The following ITFG2 variants were observed in gnomAD, a reference collection of about 807,000 sequenced individuals.
The protein encoded by ITFG2 is KICSTOR complex protein ITFG2.
A neutral mutation model predicts 54.4 loss-of-function variants in ITFG2; 36 were observed. The ratio of observed to expected loss-of-function variants is 0.66; its 90% CI spans 0.51 to 0.87. The LOEUF (loss-of-function observed/expected upper bound fraction) is 0.87. ITFG2 is among the 40% of genes least tolerant of loss of function. ITFG2 has a pLI of 0.00. For missense variants in ITFG2, 524 were observed against 576.7 expected (o/e 0.91, Z 0.94); for synonymous variants, 211 against 225.4 (o/e 0.94, Z 0.57).
At chr12:2,827,127 G>A, downstream of ITFG2, 2 of 1,599,168 alleles carry the variant, frequency 1.3e-6, no homozygotes, top group Non-Finnish European at 1.7e-6. The surrounding 1 kb of genome is among the most constrained non-coding windows in gnomAD (Gnocchi z 4.0). Context: ...CCAGCTACCT[G>A]GCTTCAAGAG....
At chr12:2,813,023 G>A (rs2097912903) in intron 1 of ITFG2, 167 bp downstream of exon 1, 3 of 547,146 alleles carry the variant, frequency 5.5e-6, no homozygotes, top group Non-Finnish European at 9.8e-6. Flanking sequence ...GTTCGTGGTT[G>A]GTTTTGTTCC....
chr12:2,819,987 C>A lies in ITFG2; in HGVS notation c.407-99C>A, dbSNP rs189409387. On this transcript the variant is annotated intron_variant, in intron 4 of 11. Coordinates refer to ENST00000228799, the MANE Select transcript of ITFG2 (RefSeq NM_018463.4). ...GGGTGAAGTGAGTAGCACCGCAGAT[C>A]GGGTGTGAAGCCGCACTGGCTGGAA... 2.8e-4 allele frequency: 404 copies of A among 1,444,368 alleles called. 1 individual carries two copies. In the African/African-American group the frequency reaches 5.3e-3, roughly 19 times the overall value. 89.5% of individuals were successfully genotyped at this position (1,444,368 alleles called of 1,614,324 possible).
At chr12:2,847,958 C>G (rs1427189706) in intron 2 of ITFG2, among the ~76,000 whole-genome samples, 1 of 152,226 alleles carries the variant, frequency 6.6e-6, no homozygotes, top group African/African-American at 2.4e-5. Flanking sequence ...TGATTGACAG[C>G]TTCATTTCTG....
At chr12:2,835,487 C>T (rs2098024945), upstream of ITFG2, 1 of 153,422 alleles carries the variant, frequency 6.5e-6, no homozygotes, top group African/African-American at 2.4e-5. Flanking sequence ...CCTAGCCTTA[C>T]CTTGTTAGGT....
At chr12:2,820,687 T>A in intron 5 of ITFG2, 37 bp from the exon 6 acceptor site, 1 of 1,350,720 alleles carries the variant, frequency 7.4e-7, no homozygotes, top group South Asian at 1.1e-5. Flanking sequence ...CACTTCCTTC[T>A]CTCTCCGTCT....
At chr12:2,832,913 A>G (rs2098010698), upstream of ITFG2, among the ~76,000 whole-genome samples, 1 of 151,728 alleles carries the variant, frequency 6.6e-6, no homozygotes. Context: ...CAGTAGACCC[A>G]GTGCTGGGAA....
At chr12:2,827,602 C>A, downstream of ITFG2, 1 of 1,614,146 alleles carries the variant, frequency 6.2e-7, no homozygotes, top group South Asian at 1.1e-5. This position sits in a 1 kb window ranked among gnomAD's most constrained non-coding sequence, Gnocchi z 4.0. Context: ...TGCTTTGGGT[C>A]AGGCCCTGAG....
At chr12:2,856,813 A>C in intron 2 of ITFG2, 1 of 635,384 alleles carries the variant, frequency 1.6e-6, no homozygotes, top group Admixed American at 2.5e-5. Flanking sequence ...TCCTAGTGTC[A>C]TAGGATGAAA....
At chr12:2,838,958 C>T (rs1308269180) in intron 1 of ITFG2, among the ~76,000 whole-genome samples, 2 of 151,892 alleles carry the variant, frequency 1.3e-5, no homozygotes, top group African/African-American at 4.8e-5. Context: ...GCTCAGTCTC[C>T]TCCCCTCATA....
At chr12:2,818,515 A>T (rs2097929612) in intron 4 of ITFG2, 1 of 666,304 alleles carries the variant, frequency 1.5e-6, no homozygotes, top group South Asian at 1.9e-5. Context: ...GAAACAATAT[A>T]GGCTAGGTGT....
intron 2 of ITFG2, among the ~76,000 whole-genome samples, chr12:2,843,001 A>G (rs1335836787): frequency 6.6e-6 from 1 of 152,098 alleles, no homozygotes; most frequent in Admixed American, 6.5e-5. Context: ...TCTTTTCAAC[A>G]TTCTTTCCTC....
At position 2,820,229 on chromosome 12, in the gene ITFG2, A is replaced by G; in HGVS notation, c.546+4A>G. 6.3e-7 allele frequency: 1 copy of G among 1,587,628 alleles called. No homozygotes were observed. Among genetic ancestry groups the G allele is most frequent in the Non-Finnish European group, 8.6e-7 (1 of 1,167,360 alleles). ...GAAATGGATGCTGGAGGGTCAGGTA[A>G]GAAGCTGACTCTGGGGAACAAGGCC... On this transcript the variant is annotated splice_donor_region_variant and intron_variant, in intron 5 of 11. Transcript: ENST00000228799.
intron 1 of ITFG2, among the ~76,000 whole-genome samples, chr12:2,839,240 G>A (rs1373289681): frequency 2.0e-5 from 3 of 152,206 alleles, no homozygotes; most frequent in East Asian, 3.9e-4. Context: ...ACAGTGAGCC[G>A]AGATCATGCC....
At position 2,857,374 on chromosome 12, in the gene ITFG2, C is replaced by G. The variant is rs554183182; in HGVS notation, n.301-638C>G. 252 of 354,064 alleles carry G rather than the reference C, an allele frequency of 7.1e-4. 3 individuals are homozygous for G. The highest frequency in any genetic ancestry group is 7.0e-3 in the South Asian group (219 of 31,400). The allele number at this position is 354,064 out of a possible 1,614,324, so 21.9% of individuals were successfully genotyped here. ...CTTCCTGCCCTAATGTTCAGGGGGC[C>G]CTACCCCTCGTGAGCTTGTCTTATT... On this transcript the variant is annotated intron_variant and non_coding_transcript_variant, in intron 2 of 3. Coordinates refer to the ITFG2 transcript ENST00000537710.
chr12:2,835,235 G>C (rs921610638), upstream of ITFG2: 10 of 981,292 alleles, frequency 1.0e-5, no homozygotes, highest in Non-Finnish European at 1.2e-6. Context: ...GCTGTAAACT[G>C]TCAGGGTGCC....
downstream of ITFG2, among the ~76,000 whole-genome samples, chr12:2,829,266 CAAAG>C (rs1208067497): frequency 2.6e-5 from 4 of 150,944 alleles, no homozygotes; most frequent in African/African-American, 9.9e-5. Flanking sequence ...CTATTGGAAA[CAAAG>C]GAAGACAACT....
chr12:2,830,962 C>A, downstream of ITFG2: 1 of 1,292,606 alleles, frequency 7.7e-7, no homozygotes, highest in South Asian at 1.4e-5. Flanking sequence ...CCCCCACCCC[C>A]CCAGCCCTGA....
intron 4 of ITFG2, 50 bp from the exon 5 acceptor site, chr12:2,820,036 G>A (rs374022306): frequency 4.5e-6 from 7 of 1,563,334 alleles, no homozygotes; most frequent in Admixed American, 3.7e-5. Flanking sequence ...GCAGAGGAGC[G>A]GGGGCTGCTC....
upstream of ITFG2, chr12:2,834,801 C>A (rs745463619): frequency 6.2e-7 from 1 of 1,613,570 alleles, no homozygotes; most frequent in African/African-American, 1.3e-5. Flanking sequence ...TGGCTTCTCC[C>A]TCATCTCTCC....
Sources: allele counts gnomAD v4.1 joint callset (sites outside exome capture counted in the v4.1 genomes callset), GRCh38; gene constraint gnomAD v4.1.1; non-coding constraint Gnocchi (gnomAD v3.1); transcripts MANE v1.5; gene names NCBI Gene and HGNC (gene_info 2026-07-23, HGNC 2026-07-21).